RNF212: variants seen among roughly 807,000 people sequenced by gnomAD.
RNF212 encodes ring finger protein 212, also known as probable E3 SUMO-protein ligase RNF212.
RNF212 carries 33 observed loss-of-function variants against 34.7 expected under a neutral mutation model. That is an observed-to-expected ratio of 0.95 (90% CI 0.72 to 1.27). The LOEUF is 1.27. Ranked by LOEUF, RNF212 falls within the 50% of genes most tolerant of loss-of-function variation. The pLI, the probability that RNF212 is intolerant of heterozygous loss-of-function variation, is 0.00. For missense variants in RNF212, 377 were observed against 362.2 expected (o/e 1.04, Z -0.33); for synonymous variants, 140 against 136.1 (o/e 1.03, Z -0.20).
Position 1,073,641 on chromosome 4 carries a change from C to A in RNF212, c.532G>T (p.Ala178Ser). 1.2e-6 allele frequency: 2 copies of A among 1,612,616 alleles called. No homozygotes were observed. The highest frequency in any genetic ancestry group is 1.7e-6 in the Non-Finnish European group (2 of 1,179,014). ...GGTGGACTAATCATGGAGATTCTCG[C>A]AGGGCCGGCTGCTATCTCAGACTAA... Reference protein sequence around the residue: ...IRKSEIAAGPARISMISPPQD... With the variant: ...IRKSEIAAGPSRISMISPPQD... The change falls in exon 9 of 10, where the codon GCG becomes TCG. Residue 178 changes from alanine (A) to serine (S), a missense_variant. Transcript: ENST00000433731.
intron 3 of RNF212, chr4:1,093,320 G>C (rs1037955018): frequency 2.5e-5 from 25 of 986,048 alleles, no homozygotes; most frequent in Admixed American, 1.1e-4. Flanking sequence ...AAATCTAAAA[G>C]TATTTATTAA....
downstream of RNF212, among the ~76,000 whole-genome samples, chr4:1,070,755 T>C (rs1718421979): frequency 6.6e-6 from 1 of 152,262 alleles, no homozygotes; most frequent in Admixed American, 6.5e-5. Context: ...TTTTTAGCGA[T>C]GCTAGGGCAC....
Position 1,102,604 on chromosome 4 carries a change from A to C in RNF212, c.171+5739T>G, listed in dbSNP as rs567486559. ...AAAAACACAAAAAAACAAAAAAAAA[A>C]CACTTTGGGAGGCTGAGGCAGGCAG... On this transcript the variant is annotated intron_variant, in intron 2 of 9. Coordinates refer to ENST00000433731, the MANE Select transcript of RNF212 (RefSeq NM_001131034.4). Among the ~76,000 whole-genome samples, 711 of 138,720 alleles carry C rather than the reference A, an allele frequency of 5.1e-3. 7 individuals carry two copies. Among genetic ancestry groups the C allele is most frequent in the African/African-American group, 0.017 (648 of 38,692 alleles). The allele number at this position is 138,720 out of a possible 152,430, so 91.0% of individuals were successfully genotyped here. A position where few individuals can be genotyped will look rare whatever the true frequency, so the allele number is the denominator to read the frequency against.
At chr4:1,095,958 T>G (rs1723013374) in intron 3 of RNF212, among the ~76,000 whole-genome samples, 2 of 81,694 alleles carry the variant, frequency 2.4e-5, no homozygotes, top group Non-Finnish European at 4.4e-5. Context: ...ATAGCGCACC[T>G]GGCTCATCAC....
intron 3 of RNF212, among the ~76,000 whole-genome samples, chr4:1,091,081 C>T (rs999670487): frequency 3.3e-5 from 5 of 152,338 alleles, no homozygotes; most frequent in South Asian, 4.1e-4. Context: ...ATTCAAGTTG[C>T]GAGTGGTGCT....
At chr4:1,103,756 G>A (rs185960021) in intron 2 of RNF212, among the ~76,000 whole-genome samples, 80 of 152,226 alleles carry the variant, frequency 5.3e-4, no homozygotes, top group Admixed American at 9.2e-4. Flanking sequence ...AGAAACCTTA[G>A]CAAAAACTTG....
chr4:1,074,639 G>A (rs116446706), intron 8 of RNF212, among the ~76,000 whole-genome samples: 138 of 152,214 alleles, frequency 9.1e-4, no homozygotes, highest in South Asian at 4.6e-3. Flanking sequence ...TTGGAAGGAC[G>A]GACCCCCCTG....
At chr4:1,061,231 C>G (rs570884634) in intron 3 of RNF212, among the ~76,000 whole-genome samples, 2 of 152,200 alleles carry the variant, frequency 1.3e-5, no homozygotes, top group African/African-American at 2.4e-5. Flanking sequence ...CCCCCTACCC[C>G]ACTCTACCCA....
At chr4:1,082,884 C>T (rs1720577218) in intron 5 of RNF212, among the ~76,000 whole-genome samples, 1 of 152,216 alleles carries the variant, frequency 6.6e-6, no homozygotes, top group African/African-American at 2.4e-5. Context: ...CTCTGAAGGG[C>T]ACTTGCTCCT....
intron 3 of RNF212, among the ~76,000 whole-genome samples, chr4:1,059,859 C>A (rs1717625861): frequency 6.6e-6 from 1 of 152,148 alleles, no homozygotes; most frequent in Non-Finnish European, 1.5e-5. Context: ...CTTTGGGAGG[C>A]CAAGGCGGGT....
At chr4:1,062,421 T>C (rs2153032771) in intron 3 of RNF212, among the ~76,000 whole-genome samples, 1 of 152,242 alleles carries the variant, frequency 6.6e-6, no homozygotes, top group South Asian at 2.1e-4. Flanking sequence ...CCAATAATCA[T>C]CTCAAAAGAG....
At chr4:1,081,255 C>T (rs1720288302) in intron 7 of RNF212, among the ~76,000 whole-genome samples, 164 bp downstream of exon 7, 1 of 151,466 alleles carries the variant, frequency 6.6e-6, no homozygotes, top group South Asian at 2.1e-4. Flanking sequence ...GGACCTGAGC[C>T]TCGCAGGGAG....
At chr4:1,109,054 C>T (rs1224502686) in intron 1 of RNF212, among the ~76,000 whole-genome samples, 2 of 143,136 alleles carry the variant, frequency 1.4e-5, no homozygotes, top group African/African-American at 2.6e-5. Context: ...GTCACCCAGG[C>T]GGGAGTGTAA....
chr4:1,072,641 G>A lies in RNF212; in HGVS notation c.*233C>T. On this transcript the variant is annotated 3_prime_UTR_variant, in exon 10 of 10. Transcript: ENST00000433731. ...TGAAAAAAAAACTCCCTAAGCATGA[G>A]AACCTATAAAATAAAAGGGATAATA... The A allele has an allele frequency of 1.8e-6, 2 of 1,107,774 alleles. No individual in the cohort carries two copies. Among genetic ancestry groups the A allele is most frequent in the Non-Finnish European group, 2.3e-6 (2 of 881,308 alleles). 68.6% of individuals were successfully genotyped at this position (1,107,774 alleles called of 1,614,324 possible).
At position 1,090,832 on chromosome 4, in the gene RNF212, C is replaced by T; in HGVS notation, c.253G>A (p.Glu85Lys). 1 of 1,588,446 alleles carries T rather than the reference C, an allele frequency of 6.3e-7. No individual in the cohort carries two copies. The highest frequency in any genetic ancestry group is 1.1e-5 in the South Asian group (1 of 90,210). Residue 85 changes from glutamate (E) to lysine (K), a missense_variant, in exon 4 of 10, where the codon GAA becomes AAA. Coordinates refer to ENST00000433731, the MANE Select transcript of RNF212 (RefSeq NM_001131034.4). ...KYSRETSQIL[E>K]FQEKHRKRLL... ...CTCTTCCTGTGTTTTTCTTGAAATT[C>T]TAAAATCTGAAAAGATCATAGGTTT...
At chr4:1,090,894 A>C in intron 3 of RNF212, 56 bp from the exon 4 acceptor site, 1 of 1,158,796 alleles carries the variant, frequency 8.6e-7, no homozygotes, top group Non-Finnish European at 1.3e-6. Context: ...CTGTGGCTGG[A>C]GTTTTGTTGG....
At chr4:1,060,756 C>A (rs371245228) in intron 3 of RNF212, among the ~76,000 whole-genome samples, 1 of 152,254 alleles carries the variant, frequency 6.6e-6, no homozygotes, top group African/African-American at 2.4e-5. Flanking sequence ...GAGGGGACCG[C>A]GTACTGAAGA....
chr4:1,084,152 T>C (rs1720807345), intron 5 of RNF212, among the ~76,000 whole-genome samples: 1 of 152,136 alleles, frequency 6.6e-6, no homozygotes, highest in Non-Finnish European at 1.5e-5. Context: ...GGTTTCTCCA[T>C]GCTGGTCAGG....
chr4:1,091,374 C>G (rs1387139018), intron 3 of RNF212, among the ~76,000 whole-genome samples: 1 of 152,118 alleles, frequency 6.6e-6, no homozygotes, highest in African/African-American at 2.4e-5. Flanking sequence ...CTGAGAGTAC[C>G]AACATAAGGA....
Sources: allele counts gnomAD v4.1 joint callset (sites outside exome capture counted in the v4.1 genomes callset), GRCh38; gene constraint gnomAD v4.1.1; transcripts MANE v1.5; gene names NCBI Gene and HGNC (gene_info 2026-07-23, HGNC 2026-07-21).